The following WDR38 variants were observed in gnomAD, a reference collection of about 807,000 sequenced individuals.
The protein encoded by WDR38 is WD repeat-containing protein 38.
A neutral mutation model predicts 36.6 loss-of-function variants in WDR38; 37 were observed. The observed-to-expected ratio is 1.01, with a 90% CI of 0.78 to 1.33. The LOEUF is 1.33. Among genes scored for constraint, WDR38 ranks in the 40% most tolerant of loss-of-function variants. The pLI, the probability that WDR38 is intolerant of heterozygous loss-of-function variation, is 0.00. For missense variants in WDR38, 411 were observed against 414.6 expected, an observed-to-expected ratio of 0.99 and a Z score of 0.07; for synonymous variants, 164 against 168.1, an observed-to-expected ratio of 0.98 and a Z score of 0.19.
At position 124,857,418 on chromosome 9, in the gene WDR38, C is replaced by T. The variant is rs1202361691; in HGVS notation, c.816+7C>T. Reference sequence around the variant, plus strand: ...GTGCCTTGAGACCCTGAAGGTAAGGCACGGCGCTGTGGCACTGAGGAAGCT... The same window carrying T: ...GTGCCTTGAGACCCTGAAGGTAAGGTACGGCGCTGTGGCACTGAGGAAGCT... On this transcript the variant is annotated splice_region_variant and intron_variant, in intron 8 of 8. Transcript: ENST00000373574. 1.2e-6 allele frequency: 2 copies of T among 1,614,176 alleles called. No homozygotes were observed. Among genetic ancestry groups the T allele is most frequent in the Non-Finnish European group, 1.7e-6 (2 of 1,180,024 alleles).
At chr9:124,856,968 C>G (rs1468143945) in intron 7 of WDR38, 87 bp downstream of exon 7, 1 of 1,572,490 alleles carries the variant, frequency 6.4e-7, no homozygotes, top group African/African-American at 1.3e-5. Context: ...ATGCCCACAT[C>G]CCCACTTGCC....
rs2131322825 is a variant in WDR38, at chr9:124,857,864, G to C, written c.*234G>C. Reference sequence around the variant, plus strand: ...ACCCACCTCCACCCAATCAGTGGAAGTGCCAGGAAACAAAGCAGTCTCAGC... The same window carrying C: ...ACCCACCTCCACCCAATCAGTGGAACTGCCAGGAAACAAAGCAGTCTCAGC... On this transcript the variant is annotated 3_prime_UTR_variant, in exon 9 of 9. Transcript: ENST00000373574. The C allele has an allele frequency of 6.3e-7, 1 of 1,598,786 alleles. No individual in the cohort carries two copies.
chr9:124,857,268 A>G (rs952790311), intron 7 of WDR38, 96 bp from the exon 8 acceptor site: 239 of 1,420,602 alleles, frequency 1.7e-4, no homozygotes, highest in Non-Finnish European at 2.2e-4. Flanking sequence ...TCAGGCGAAG[A>G]CTCATCTCAT....
chr9:124,857,644 A>G lies in WDR38; in HGVS notation c.*14A>G. 6.2e-7 allele frequency: 1 copy of G among 1,613,276 alleles called. No individual in the cohort carries two copies. Among genetic ancestry groups the G allele is most frequent in the Non-Finnish European group, 8.5e-7 (1 of 1,179,860 alleles). ...CCTCAAACCTAACACCAACCACCTT[A>G]GATGGTGCCGACCTCACCCGCTCCC... On this transcript the variant is annotated 3_prime_UTR_variant, in exon 9 of 9. Coordinates refer to ENST00000373574, the MANE Select transcript of WDR38 (RefSeq NM_001045476.3).
At chr9:124,856,205 C>CTCTGCTGCCT (rs760143405) in intron 4 of WDR38, 35 bp from the exon 5 acceptor site, 2 of 1,613,744 alleles carry the variant, frequency 1.2e-6, no homozygotes, top group Admixed American at 1.7e-5. Flanking sequence ...GCCGGCTGCC[C>CTCTGCTGCCT]TCTGCTGCCT....
rs1393337515 is a variant in WDR38 at position 124,855,630 on chromosome 9, C to T, written c.191-4C>T. Reference sequence around the variant, plus strand: ...CTGTCCCCTGACTGTGGCCACCCGCCCAGGCCCCGTGAAGTTCTGCCGCTT... The same window carrying T: ...CTGTCCCCTGACTGTGGCCACCCGCTCAGGCCCCGTGAAGTTCTGCCGCTT... On this transcript the variant is annotated splice_polypyrimidine_tract_variant and splice_region_variant and intron_variant, in intron 2 of 8. Transcript: ENST00000373574. 6.2e-7 allele frequency: 1 copy of T among 1,608,306 alleles called. No individual in the cohort carries two copies. The highest frequency in any genetic ancestry group is 1.1e-5 in the South Asian group (1 of 91,076).
intron 2 of WDR38, among the ~76,000 whole-genome samples, chr9:124,855,271 T>C (rs886767219): frequency 3.9e-5 from 6 of 152,330 alleles, no homozygotes; most frequent in African/African-American, 1.4e-4. Flanking sequence ...ATTGTAATTA[T>C]TATTCAGGAG....
In WDR38 at chr9:124,854,226, CCT is replaced by C. The variant is rs780954373; in HGVS notation, c.92_93del (p.Pro31ArgfsTer43). 5.0e-6 allele frequency: 8 copies of C among 1,614,062 alleles called. No homozygotes were observed. The African/African-American group carries it at 8.0e-5, about 16-fold the overall frequency. Reference protein sequence around the residue: ...GGEVNSSAFSPDGQMLLTGSE... With the variant: ...GGEVNSSAFSXDGQMLLTGSE... Reference sequence around the variant, plus strand: ...CTAGGTCAACTCTTCTGCCTTCTCCCCTGATGGCCAGATGCTGCTCACAGGCT... The same window carrying C: ...CTAGGTCAACTCTTCTGCCTTCTCCCGATGGCCAGATGCTGCTCACAGGCT... On this transcript the variant is annotated frameshift_variant, in exon 2 of 9. Coordinates refer to ENST00000373574, the MANE Select transcript of WDR38 (RefSeq NM_001045476.3). LOFTEE classifies it high-confidence loss of function.
Position 124,857,537 on chromosome 9 carries a change from C to A in WDR38, c.852C>A (p.Thr284=). The A allele has an allele frequency of 6.2e-7, 1 of 1,614,170 alleles. No homozygotes were observed. Among genetic ancestry groups the A allele is most frequent in the African/African-American group, 1.3e-5 (1 of 75,030 alleles). Reference sequence around the variant, plus strand: ...ATGTGGCCCACACCTGTGCCTTCACCCCAGATGGGAAAATCTTAGTGTCTG... The same window carrying A: ...ATGTGGCCCACACCTGTGCCTTCACACCAGATGGGAAAATCTTAGTGTCTG... ...VLDVAHTCAF[T]PDGKILVSGA... Residue 284 remains threonine (T), a synonymous_variant, in exon 9 of 9, where the codon ACC becomes ACA. Coordinates refer to ENST00000373574, the MANE Select transcript of WDR38 (RefSeq NM_001045476.3).
At chr9:124,856,015 A>T (rs1460195005) in intron 4 of WDR38, 57 bp downstream of exon 4, 16 of 1,606,100 alleles carry the variant, frequency 1.0e-5, no homozygotes, top group Non-Finnish European at 1.4e-5. Context: ...TCCAGAGAGG[A>T]TGTCACCAGT....
At chr9:124,856,131 G>C in intron 4 of WDR38, 109 bp from the exon 5 acceptor site, 2 of 1,555,406 alleles carry the variant, frequency 1.3e-6, no homozygotes, top group East Asian at 4.5e-5. Context: ...AGGCTTCCTT[G>C]CACACAGCAG....
intron 3 of WDR38, 32 bp downstream of exon 3, chr9:124,855,782 A>G (rs1315183059): frequency 6.2e-7 from 1 of 1,613,266 alleles, no homozygotes; most frequent in Middle Eastern, 1.6e-4. Context: ...CAGCCAGGCC[A>G]GCGTTCCCTT....
chr9:124,853,504 C>T lies in WDR38; in HGVS notation c.-28C>T, dbSNP rs900309905. 7 of 1,241,114 alleles carry T rather than the reference C, an allele frequency of 5.6e-6. No homozygotes were observed. In the African/African-American group the frequency reaches 1.1e-4, roughly 19 times the overall value. 76.9% of individuals were successfully genotyped at this position (1,241,114 alleles called of 1,614,324 possible). On this transcript the variant is annotated 5_prime_UTR_variant, in exon 1 of 9. Transcript: ENST00000373574. ...TCCCGCGGCCGCCTAGGAGGGAGCC[C>T]GCCGGGGCGGGGCGGGGCCGGGTGC...
chr9:124,857,254 G>T (rs901485079), intron 7 of WDR38, 110 bp from the exon 8 acceptor site: 6 of 1,415,868 alleles, frequency 4.2e-6, no homozygotes, highest in Non-Finnish European at 4.0e-6. Flanking sequence ...CTGAGGTCAG[G>T]AGTTCAGGCG....
At chr9:124,855,366 G>A (rs1308550106) in intron 2 of WDR38, among the ~76,000 whole-genome samples, 2 of 152,242 alleles carry the variant, frequency 1.3e-5, no homozygotes, top group African/African-American at 2.4e-5. Context: ...AAAGGAGGCA[G>A]TGAACCTAGG....
chr9:124,855,627 C>T lies in WDR38; in HGVS notation c.191-7C>T, dbSNP rs773135554. The T allele has an allele frequency of 2.6e-5, 42 of 1,607,276 alleles. No homozygotes were observed. The highest frequency in any genetic ancestry group is 2.5e-4 in the East Asian group (11 of 44,888). Reference sequence around the variant, plus strand: ...GCTCTGTCCCCTGACTGTGGCCACCCGCCCAGGCCCCGTGAAGTTCTGCCG... The same window carrying T: ...GCTCTGTCCCCTGACTGTGGCCACCTGCCCAGGCCCCGTGAAGTTCTGCCG... On this transcript the variant is annotated splice_polypyrimidine_tract_variant and splice_region_variant and intron_variant, in intron 2 of 8. Transcript: ENST00000373574.
Position 124,856,534 on chromosome 9 carries a change from C to A in WDR38, c.552C>A (p.Ser184=). 1 of 1,613,084 alleles carries A rather than the reference C, an allele frequency of 6.2e-7. No homozygotes were observed. Among genetic ancestry groups the A allele is most frequent in the South Asian group, 1.1e-5 (1 of 90,950 alleles). Residue 184 remains serine (S), a synonymous_variant, in exon 6 of 9, where the codon TCC becomes TCA. Transcript: ENST00000373574. The stretch of plus-strand genomic sequence containing the variant: ...TGCGGATGGTGACCCCAGCAGTCTC[C>A]CACCAGGCGCTAGAGGGACACAGTG... ...WDLRMVTPAV[S]HQALEGHSAN... is the part of the protein sequence containing the mutation.
intron 6 of WDR38, 63 bp from the exon 7 acceptor site, chr9:124,856,669 A>G (rs1829079267): frequency 6.2e-7 from 1 of 1,612,868 alleles, no homozygotes; most frequent in Non-Finnish European, 8.5e-7. Flanking sequence ...GTCCCAGGCC[A>G]CTTAGGGGCC....
intron 2 of WDR38, among the ~76,000 whole-genome samples, chr9:124,855,169 T>C (rs1829014925): frequency 6.6e-6 from 1 of 152,222 alleles, no homozygotes; most frequent in Admixed American, 6.5e-5. Flanking sequence ...GACTGTGATC[T>C]TGGTCAAGTC....
Sources: gnomAD v4.1 joint callset for allele counts (sites outside exome capture counted in the v4.1 genomes callset) on GRCh38, gnomAD v4.1.1 for gene constraint, MANE v1.5 for transcripts, NCBI Gene and HGNC (gene_info 2026-07-23, HGNC 2026-07-21) for gene names.